Variants in DDX10 observed in about 807,000 individuals in gnomAD.
DDX10 encodes the protein DEAD-box helicase 10.
Under a neutral mutation model 104.3 loss-of-function variants are expected in DDX10, and 74 were observed. The observed-to-expected ratio is 0.71, with a 90% confidence interval of 0.59 to 0.86. DDX10 has a LOEUF of 0.86. Ranked by LOEUF, DDX10 falls within the 40% of genes least tolerant of loss-of-function variation. The pLI is 0.00. For synonymous variants in DDX10, 351 were observed against 353.4 expected (o/e 0.99, Z 0.08); for missense variants, 952 against 1,040.0 (o/e 0.92, Z 1.16).
chr11:108,689,824 T>G (rs899614127), intron 7 of DDX10, among the ~76,000 whole-genome samples: 6 of 152,214 alleles, frequency 3.9e-5, no homozygotes, highest in African/African-American at 1.4e-4. Flanking sequence ...TTGCAATAAC[T>G]TTCCATGATA....
At chr11:108,684,171 A>ATTTT (rs373165845) in intron 6 of DDX10, among the ~76,000 whole-genome samples, 1 of 9,898 alleles carries the variant, frequency 1.0e-4, no homozygotes, top group Non-Finnish European at 1.8e-4. Flanking sequence ...AAGGTTATAG[A>ATTTT]TTTTCTTTTT....
intron 13 of DDX10, among the ~76,000 whole-genome samples, chr11:108,833,873 TAAG>T (rs758014690): frequency 3.4e-4 from 52 of 152,220 alleles, no homozygotes; most frequent in Admixed American, 1.6e-3. Flanking sequence ...AGAAAAGTAG[TAAG>T]AAGTATACTT....
chr11:108,925,484 C>T (rs541342486), intron 17 of DDX10, among the ~76,000 whole-genome samples: 14 of 152,294 alleles, frequency 9.2e-5, no homozygotes, highest in Middle Eastern at 3.4e-3. Context: ...CTGGCAGCTG[C>T]CCTAACTCTG....
intron 13 of DDX10, among the ~76,000 whole-genome samples, chr11:108,792,246 A>G (rs1196807868): frequency 1.3e-5 from 2 of 152,164 alleles, no homozygotes; most frequent in East Asian, 3.8e-4. Flanking sequence ...GTGTCCTTTG[A>G]AGCACAAAGT....
In DDX10 at chr11:108,679,528, G is replaced by A. The variant is rs547698531; in HGVS notation, c.816G>A (p.Glu272=). The change falls in exon 6 of 18, where the codon GAG becomes GAA. Residue 272 remains glutamate, a synonymous_variant. Transcript: ENST00000322536. The part of the protein sequence containing the change: ...DLARLSLKNP[E]YVWVHEKAKY... The stretch of plus-strand genomic sequence containing the variant: ...CACGCTTGAGTTTGAAAAACCCTGA[G>A]TATGTCTGGGTTCATGAAAAAGCAA... The A allele has an allele frequency of 6.2e-6, 10 of 1,608,644 alleles. No homozygotes were observed. The highest frequency in any genetic ancestry group is 4.5e-5 in the East Asian group (2 of 44,830).
intron 13 of DDX10, among the ~76,000 whole-genome samples, chr11:108,766,178 A>G (rs576389145): frequency 6.6e-6 from 1 of 152,042 alleles, no homozygotes; most frequent in African/African-American, 2.4e-5. Flanking sequence ...TGAAAGCATA[A>G]TTTTTTTGTT....
chr11:108,810,948 T>C (rs562191550), intron 13 of DDX10, among the ~76,000 whole-genome samples: 5 of 152,324 alleles, frequency 3.3e-5, no homozygotes, highest in Admixed American at 2.6e-4. Context: ...CTTTGCTATA[T>C]ACTTTTTCTC....
At chr11:108,675,453 C>A in intron 2 of DDX10, 143 bp from the exon 3 acceptor site, 1 of 826,054 alleles carries the variant, frequency 1.2e-6, no homozygotes, top group Non-Finnish European at 1.8e-6. Flanking sequence ...TCTTTAAAGG[C>A]CCTGTCTCCA....
rs1402893564 is a variant in DDX10 at position 108,841,350 on chromosome 11, C to A, written c.2121C>A (p.Ala707=). The change falls in exon 15 of 18, where the codon GCC becomes GCA. Residue 707 remains alanine, a synonymous_variant. Transcript: ENST00000322536. ...AGTGGCCACAAATGCAGAAATCTGC[C>A]ATCAAGGATGCTGAGGAAGATGATG... is the stretch of plus-strand genomic sequence containing the variant. ...VQQWPQMQKS[A]IKDAEEDDDT... 7 of 1,613,124 alleles carry A rather than the reference C, an allele frequency of 4.3e-6. No individual in the cohort carries two copies. The highest frequency in any genetic ancestry group is 5.1e-6 in the Non-Finnish European group (6 of 1,179,770).
chr11:108,750,544 A>G (rs1415948313), intron 13 of DDX10, among the ~76,000 whole-genome samples: 3 of 152,106 alleles, frequency 2.0e-5, no homozygotes, highest in Non-Finnish European at 2.9e-5. Context: ...CCCCTTCAGC[A>G]GTCTGATAAT....
intron 13 of DDX10, among the ~76,000 whole-genome samples, chr11:108,797,935 G>C (rs1861968439): frequency 6.6e-6 from 1 of 152,338 alleles, no homozygotes; most frequent in South Asian, 2.1e-4. Context: ...CAAGGGAGCA[G>C]AGTGCAGGCT....
chr11:108,838,269 G>T (rs750868689), intron 13 of DDX10, 177 bp from the exon 14 acceptor site: 15 of 549,702 alleles, frequency 2.7e-5, no homozygotes, highest in Non-Finnish European at 4.5e-5. Context: ...GGTTTTGGGA[G>T]GAGTTCTTAG....
intron 13 of DDX10, among the ~76,000 whole-genome samples, chr11:108,818,461 C>T (rs1307421602): frequency 6.6e-6 from 1 of 152,134 alleles, no homozygotes; most frequent in Non-Finnish European, 1.5e-5. Context: ...GGGTGAGTTT[C>T]ATAACATAAC....
rs2094322660 is a variant in DDX10 at position 108,739,622 on chromosome 11, G to A, written c.1965+16160G>A. On this transcript the variant is annotated intron_variant, in intron 13 of 17. Coordinates refer to ENST00000322536, the MANE Select transcript of DDX10 (RefSeq NM_004398.4). ...TTAGAAGCTTTTCCATTCAAATCTG[G>A]TTGTTCTTTTATCTTTGCTTATTCA... Among the ~76,000 whole-genome samples the A allele has an allele frequency of 3.3e-5, 5 of 152,254 alleles. No homozygotes were observed. In the South Asian group the frequency reaches 1.0e-3, roughly 32 times the overall value.
intron 10 of DDX10, among the ~76,000 whole-genome samples, chr11:108,713,654 A>T (rs1267798654): frequency 1.3e-5 from 2 of 152,196 alleles, no homozygotes; most frequent in Non-Finnish European, 2.9e-5. Flanking sequence ...ATGTCTGGTT[A>T]TGATGCTTGC....
At chr11:108,745,696 A>G (rs546063937) in intron 13 of DDX10, among the ~76,000 whole-genome samples, 8 of 152,306 alleles carry the variant, frequency 5.3e-5, no homozygotes, top group South Asian at 4.1e-4. Context: ...CTTCCTTTCT[A>G]TAATTCTCTG....
intron 16 of DDX10, among the ~76,000 whole-genome samples, chr11:108,878,693 A>G (rs190070342): frequency 6.6e-6 from 1 of 152,308 alleles, no homozygotes; most frequent in East Asian, 1.9e-4. Flanking sequence ...TTATTCCAGC[A>G]TGAACTGCTG....
chr11:108,728,576 A>G (rs965963676), intron 13 of DDX10, among the ~76,000 whole-genome samples: 3 of 142,508 alleles, frequency 2.1e-5, no homozygotes, highest in African/African-American at 8.4e-5. Flanking sequence ...AGGCAGTGGC[A>G]TGATTGTGGC....
rs200006621 is a variant in DDX10, at chr11:108,778,494, T to G, written c.1965+55032T>G. Among the ~76,000 whole-genome samples, 654 of 152,302 alleles carry G rather than the reference T, an allele frequency of 4.3e-3. 23 individuals are homozygous for G. In the East Asian group the frequency reaches 0.091, roughly 21 times the overall value. On this transcript the variant is annotated intron_variant, in intron 13 of 17. Transcript: ENST00000322536. ...GCTGGGAAAACTGGCTAGCCATATG[T>G]AGAAAGCTGAAACTGGATCCCTTCC...
Sources: gnomAD v4.1 joint callset for allele counts (sites outside exome capture counted in the v4.1 genomes callset) on GRCh38, gnomAD v4.1.1 for gene constraint, MANE v1.5 for transcripts, NCBI Gene and HGNC (gene_info 2026-07-23, HGNC 2026-07-21) for gene names.